The following ATP10B variants were observed in gnomAD, a reference collection of about 807,000 sequenced individuals.
ATP10B encodes the protein phospholipid-transporting ATPase VB.
In ATP10B, 122 loss-of-function variants were observed where a neutral mutation model predicts 141.2. The observed-to-expected ratio is 0.86, with a 90% CI of 0.75 to 1.00. ATP10B has a LOEUF of 1.00. ATP10B is among the 50% of genes least tolerant of loss of function. The pLI is 0.00. For synonymous variants in ATP10B, 685 were observed against 692.0 expected (o/e 0.99, Z 0.16); for missense variants, 1,876 against 1,825.3 (o/e 1.03, Z -0.51).
intron 3 of ATP10B, among the ~76,000 whole-genome samples, chr5:160,707,654 TAAAG>T (rs1317501872): frequency 2.6e-5 from 4 of 152,216 alleles, no homozygotes; most frequent in African/African-American, 9.7e-5. Context: ...TGTTTTTTCT[TAAAG>T]AAAAGCCTAT....
At chr5:160,808,427 C>T (rs565288827) in intron 1 of ATP10B, among the ~76,000 whole-genome samples, 1 of 152,306 alleles carries the variant, frequency 6.6e-6, no homozygotes, top group East Asian at 1.9e-4. Flanking sequence ...GCTTTGGTGA[C>T]TTCAAAACTT....
At chr5:160,756,641 G>A (rs11955887) in intron 2 of ATP10B, among the ~76,000 whole-genome samples, 4,304 of 151,668 alleles carry the variant, frequency 0.028, 196 homozygotes, top group African/African-American at 0.098. Flanking sequence ...CTTTTCATGT[G>A]TTTATTTGCC....
the ATP10B span, among the ~76,000 whole-genome samples, chr5:160,913,115 G>C: frequency 6.6e-6 from 1 of 152,172 alleles, no homozygotes; most frequent in Non-Finnish European, 1.5e-5. Flanking sequence ...CTTTCTAATA[G>C]GGCTCCAGGT....
chr5:160,827,061 G>C (rs1774661053), intron 1 of ATP10B, among the ~76,000 whole-genome samples: 1 of 152,100 alleles, frequency 6.6e-6, no homozygotes, highest in Non-Finnish European at 1.5e-5. Flanking sequence ...TGAAGCATGT[G>C]ATCTTTGTGA....
intron 1 of ATP10B, among the ~76,000 whole-genome samples, chr5:160,836,292 T>C (rs1271429841): frequency 6.6e-6 from 1 of 152,176 alleles, no homozygotes; most frequent in African/African-American, 2.4e-5. Context: ...CACAAAACTC[T>C]GTAAATTCAT....
At chr5:160,759,969 C>T (rs996285296) in intron 2 of ATP10B, among the ~76,000 whole-genome samples, 5 of 152,164 alleles carry the variant, frequency 3.3e-5, no homozygotes, top group Non-Finnish European at 5.9e-5. Context: ...CAGCCATTAC[C>T]GCAGAGGCAA....
At chr5:160,779,515 G>A (rs1399676298) in intron 2 of ATP10B, among the ~76,000 whole-genome samples, 3 of 152,228 alleles carry the variant, frequency 2.0e-5, no homozygotes, top group Non-Finnish European at 4.4e-5. Flanking sequence ...GGCCAGTGAG[G>A]AAATGAGACC....
chr5:160,816,540 C>G (rs1773644584), intron 1 of ATP10B, among the ~76,000 whole-genome samples: 1 of 152,108 alleles, frequency 6.6e-6, no homozygotes, highest in Non-Finnish European at 1.5e-5. Flanking sequence ...AATCCAGGAC[C>G]ACATGGATTC....
intron 1 of ATP10B, among the ~76,000 whole-genome samples, chr5:160,790,270 G>GA (rs1414888558): frequency 1.3e-5 from 2 of 152,076 alleles, no homozygotes. Flanking sequence ...ATTGCAACTT[G>GA]AAAAAAGTTT....
In ATP10B at chr5:160,622,381, C is replaced by T. The variant is rs756170871; in HGVS notation, c.1812+13G>A. On this transcript the variant is annotated intron_variant, in intron 14 of 25. Transcript: ENST00000327245. Reference sequence around the variant, plus strand: ...TCCTTTACCCTCCTCCCCCAGCCATCGCTGGTCCTTACCCTCTGCCTGGGC... The same window carrying T: ...TCCTTTACCCTCCTCCCCCAGCCATTGCTGGTCCTTACCCTCTGCCTGGGC... The T allele has an allele frequency of 1.7e-5, 28 of 1,604,372 alleles. No individual in the cohort carries two copies. Among genetic ancestry groups the T allele is most frequent in the Non-Finnish European group, 2.1e-5 (25 of 1,175,860 alleles).
At chr5:160,668,135 G>T (rs149888982) in intron 7 of ATP10B, among the ~76,000 whole-genome samples, 3,925 of 150,940 alleles carry the variant, frequency 0.026, 57 homozygotes, top group East Asian at 0.053. Context: ...GGGAGGCTGA[G>T]GTAGGAGAAA....
At chr5:160,566,889 G>A (rs764933738) in intron 25 of ATP10B, among the ~76,000 whole-genome samples, 2 of 152,112 alleles carry the variant, frequency 1.3e-5, no homozygotes, top group South Asian at 2.1e-4. Flanking sequence ...TTATAAGCAG[G>A]AAGGCTTCTA....
chr5:160,828,924 G>A (rs1373318202), intron 1 of ATP10B, among the ~76,000 whole-genome samples: 16 of 146,278 alleles, frequency 1.1e-4, no homozygotes, highest in Admixed American at 1.4e-4. Flanking sequence ...GGATGAAATT[G>A]GAAATCATCA....
At chr5:160,878,364 C>A in the ATP10B span, among the ~76,000 whole-genome samples, 1 of 151,676 alleles carries the variant, frequency 6.6e-6, no homozygotes, top group Non-Finnish European at 1.5e-5. Context: ...CTTCCTTACA[C>A]CTTATACAAA....
At chr5:160,798,204 A>C (rs1461439684) in intron 1 of ATP10B, among the ~76,000 whole-genome samples, 1 of 152,116 alleles carries the variant, frequency 6.6e-6, no homozygotes, top group East Asian at 1.9e-4. Context: ...TGTTCAGAGA[A>C]CTGAGGGGAC....
intron 6 of ATP10B, chr5:160,685,380 G>T: frequency 1.8e-6 from 1 of 544,502 alleles, no homozygotes; most frequent in Non-Finnish European, 3.2e-6. Context: ...AGAGCCTGCA[G>T]AGAACAGGTG....
At chr5:160,642,835 A>G (rs1314716112) in intron 9 of ATP10B, among the ~76,000 whole-genome samples, 1 of 152,234 alleles carries the variant, frequency 6.6e-6, no homozygotes, top group Non-Finnish European at 1.5e-5. Flanking sequence ...GTTCAGGAAC[A>G]TGCAGAATAT....
At chr5:160,663,083 A>T (rs1033991444) in intron 7 of ATP10B, among the ~76,000 whole-genome samples, 4 of 152,212 alleles carry the variant, frequency 2.6e-5, no homozygotes, top group South Asian at 2.1e-4. Context: ...TCAAAACCAC[A>T]ATGAGATACC....
intron 8 of ATP10B, among the ~76,000 whole-genome samples, chr5:160,648,926 G>GTT (rs367848503): frequency 0.062 from 8,081 of 130,982 alleles, 351 homozygotes; most frequent in Middle Eastern, 0.17. Context: ...TTTTACTAAG[G>GTT]TTTTTTTTTT....
Sources: gnomAD v4.1 joint callset for allele counts (sites outside exome capture counted in the v4.1 genomes callset) on GRCh38, gnomAD v4.1.1 for gene constraint, MANE v1.5 for transcripts, NCBI Gene and HGNC (gene_info 2026-07-23, HGNC 2026-07-21) for gene names.